Variants in RANBP2 observed in about 807,000 individuals in gnomAD.
RANBP2 encodes RAN binding protein 2.
RANBP2 carries 57 observed loss-of-function variants against 303.6 expected under a neutral mutation model. The ratio of observed to expected loss-of-function variants is 0.19; its 90% CI spans 0.15 to 0.23. RANBP2 has a LOEUF of 0.23. Among genes scored for constraint, RANBP2 ranks in the 10% least tolerant of loss-of-function variants. RANBP2 has a pLI of 1.00. For synonymous variants in RANBP2, 1,167 were observed against 1,301.5 expected (o/e 0.90, Z 2.23); for missense variants, 3,138 against 3,780.8 (o/e 0.83, Z 4.46).
In RANBP2 at chr2:108,753,910, C is replaced by G. The variant is rs755805686; in HGVS notation, c.2141C>G (p.Thr714Ser). The change falls in exon 15 of 29, where the codon ACC becomes AGC. Residue 714 changes from threonine to serine, a missense_variant. Thr to Ser is a moderately conservative substitution (Grantham distance 58). Around this residue, in one of 20 missense-constraint regions of RANBP2, gnomAD observed 194 missense variants for 197.4 expected, o/e 0.98. Transcript: ENST00000283195. ...GAATGCAAAAATTATCTGAGAAAGA[C>G]CAGGGACTACCTAATAAAGATTATA... ...QEECKNYLRK[T>S]RDYLIKIIDD... is the part of the protein sequence containing the mutation. 1 of 1,611,936 alleles carries G rather than the reference C, an allele frequency of 6.2e-7. No homozygotes were observed. The highest frequency in any genetic ancestry group is 1.1e-5 in the South Asian group (1 of 90,990).
At chr2:109,139,842 T>G in the RANBP2 span, among the ~76,000 whole-genome samples, 2 of 152,206 alleles carry the variant, frequency 1.3e-5, no homozygotes, top group African/African-American at 2.4e-5. Context: ...ATGTGTCCAT[T>G]GCTTGGCAGT....
At chr2:109,327,338 T>C in the RANBP2 span, among the ~76,000 whole-genome samples, 2 of 152,194 alleles carry the variant, frequency 1.3e-5, no homozygotes, top group Non-Finnish European at 2.9e-5. Flanking sequence ...CATCTGCACA[T>C]GTTTGTGTCT....
At chr2:109,459,403 A>T in the RANBP2 span, among the ~76,000 whole-genome samples, 25 of 152,230 alleles carry the variant, frequency 1.6e-4, no homozygotes, top group South Asian at 2.1e-3. Flanking sequence ...CTGGGCATGG[A>T]CCCTTACCTG....
the RANBP2 span, among the ~76,000 whole-genome samples, chr2:109,454,725 C>T: frequency 3.2e-3 from 493 of 152,206 alleles, 7 homozygotes; most frequent in African/African-American, 0.011. Context: ...ACAGTAGGGA[C>T]GGTACACTGG....
chr2:109,653,212 C>G, the RANBP2 span, among the ~76,000 whole-genome samples: 2 of 151,890 alleles, frequency 1.3e-5, no homozygotes, highest in Non-Finnish European at 2.9e-5. Context: ...CTGGCCAACA[C>G]AGTGAAACCC....
chr2:109,616,262 C>G, the RANBP2 span: 1 of 827,988 alleles, frequency 1.2e-6, no homozygotes. Flanking sequence ...TTCATCATAC[C>G]TTGACCTGTA....
the RANBP2 span, among the ~76,000 whole-genome samples, chr2:109,232,926 C>T: frequency 6.6e-6 from 1 of 152,150 alleles, no homozygotes; most frequent in African/African-American, 2.4e-5. Flanking sequence ...GTTGAGTGAG[C>T]ACCACTGAGA....
chr2:109,105,841 C>T, the RANBP2 span, among the ~76,000 whole-genome samples: 2 of 150,340 alleles, frequency 1.3e-5, no homozygotes, highest in Non-Finnish European at 3.0e-5. Context: ...AGGCGTGAGC[C>T]ACCGCGCCTG....
the RANBP2 span, among the ~76,000 whole-genome samples, chr2:109,195,833 G>A: frequency 2.6e-5 from 4 of 152,044 alleles, no homozygotes; most frequent in Admixed American, 1.3e-4. Flanking sequence ...GATTTGTGTC[G>A]CCTGATCCCG....
chr2:108,910,659 A>C, the RANBP2 span: 1 of 1,426,484 alleles, frequency 7.0e-7, no homozygotes, highest in Non-Finnish European at 9.8e-7. Context: ...CCCCACGGTA[A>C]GCACAGTATG....
the RANBP2 span, among the ~76,000 whole-genome samples, chr2:109,168,228 G>C: frequency 6.6e-6 from 1 of 152,210 alleles, no homozygotes; most frequent in Non-Finnish European, 1.5e-5. Flanking sequence ...AGCTTTTCTG[G>C]AGAGATCAAA....
chr2:109,101,491 G>A, the RANBP2 span, among the ~76,000 whole-genome samples: 1 of 152,006 alleles, frequency 6.6e-6, no homozygotes, highest in Admixed American at 6.6e-5. Context: ...TCACCCCAAT[G>A]CACTCCAGCC....
At chr2:109,244,759 C>A in the RANBP2 span, among the ~76,000 whole-genome samples, 21 of 152,318 alleles carry the variant, frequency 1.4e-4, no homozygotes, top group South Asian at 4.1e-3. Flanking sequence ...AATGCCCGGG[C>A]CCTTGAGGCA....
chr2:109,692,342 T>G, the RANBP2 span, among the ~76,000 whole-genome samples: 1 of 152,048 alleles, frequency 6.6e-6, no homozygotes, highest in Non-Finnish European at 1.5e-5. Flanking sequence ...GCACATCTCC[T>G]TGGGGTAATA....
At chr2:108,746,244 G>C (rs993666786) in intron 7 of RANBP2, among the ~76,000 whole-genome samples, 2 of 118,432 alleles carry the variant, frequency 1.7e-5, no homozygotes, top group Admixed American at 2.3e-4. Context: ...ATGGAGCCTC[G>C]CTCTTTCACC....
chr2:109,499,760 GGT>G, the RANBP2 span, among the ~76,000 whole-genome samples: 1 of 152,150 alleles, frequency 6.6e-6, no homozygotes, highest in Non-Finnish European at 1.5e-5. Context: ...AGAGCAGGGG[GGT>G]GTGTGTGTAT....
chr2:109,344,318 CGGG>C, the RANBP2 span, among the ~76,000 whole-genome samples: 2 of 151,888 alleles, frequency 1.3e-5, no homozygotes, highest in Non-Finnish European at 2.9e-5. Flanking sequence ...CAGGTGGTGA[CGGG>C]GGAGCAGTGT....
the RANBP2 span, among the ~76,000 whole-genome samples, chr2:108,818,902 G>A: frequency 1.3e-5 from 2 of 151,762 alleles, no homozygotes; most frequent in Non-Finnish European, 1.5e-5. Flanking sequence ...AAGCCATTGA[G>A]GAGTAAATTT....
At chr2:109,145,440 G>A in the RANBP2 span, among the ~76,000 whole-genome samples, 2 of 152,086 alleles carry the variant, frequency 1.3e-5, no homozygotes, top group African/African-American at 2.4e-5. Flanking sequence ...ATGGAAGACC[G>A]GTCGCCTTCA....
Sources: allele counts gnomAD v4.1 joint callset (sites outside exome capture counted in the v4.1 genomes callset), GRCh38; gene constraint gnomAD v4.1.1; regional missense constraint gnomAD v4.1.1; transcripts MANE v1.5; gene names NCBI Gene and HGNC (gene_info 2026-07-23, HGNC 2026-07-21).